Variants in CUEDC1 observed in about 807,000 individuals in gnomAD.
CUEDC1 encodes CUE domain containing 1.
A neutral mutation model predicts 43.7 loss-of-function variants in CUEDC1; 30 were observed. The observed-to-expected ratio is 0.69, with a 90% CI of 0.51 to 0.93. The LOEUF (loss-of-function observed/expected upper bound fraction) is 0.93. CUEDC1 is among the 40% of genes least tolerant of loss of function. CUEDC1 has a pLI of 0.00. For missense variants in CUEDC1, 486 were observed against 549.0 expected (o/e 0.89, Z 1.15); for synonymous variants, 223 against 223.6 (o/e 1.00, Z 0.02).
intron 4 of CUEDC1, 41 bp from the exon 5 acceptor site, chr17:57,872,896 G>A (rs756994685): frequency 6.4e-7 from 1 of 1,552,118 alleles, no homozygotes; most frequent in East Asian, 2.3e-5. Context: ...TACACACAAG[G>A]GTACATGTTG....
In CUEDC1 at chr17:57,908,349, G is replaced by A. The variant is rs1386382230; in HGVS notation, c.-315-22470C>T. Among the ~76,000 whole-genome samples the A allele has an allele frequency of 3.9e-5, 6 of 152,136 alleles. No homozygotes were observed. In the East Asian group the frequency reaches 5.8e-4, roughly 15 times the overall value. Reference sequence around the variant, plus strand: ...TGGGATTACAGGTGTGAGCCACCGCGCCTGGTCATCAGGTTCTTCTTGAAG... The same window carrying A: ...TGGGATTACAGGTGTGAGCCACCGCACCTGGTCATCAGGTTCTTCTTGAAG... On this transcript the variant is annotated intron_variant, in intron 1 of 10. Transcript: ENST00000577830.
intron 1 of CUEDC1, among the ~76,000 whole-genome samples, chr17:57,918,885 A>T (rs2143098963): frequency 6.6e-6 from 1 of 152,254 alleles, no homozygotes. Context: ...ATGGAGTCTC[A>T]CTCTGTCACC....
At chr17:57,923,302 C>G (rs1675106788) in intron 1 of CUEDC1, among the ~76,000 whole-genome samples, 1 of 152,154 alleles carries the variant, frequency 6.6e-6, no homozygotes, top group Non-Finnish European at 1.5e-5. Flanking sequence ...ACTATATGAC[C>G]TCAGATTAGG....
intron 1 of CUEDC1, among the ~76,000 whole-genome samples, chr17:57,911,280 T>A (rs1416937397): frequency 2.0e-5 from 3 of 152,176 alleles, no homozygotes; most frequent in African/African-American, 7.2e-5. Context: ...GCCCTGTCCA[T>A]CCTTCAAGAC....
intron 10 of CUEDC1, among the ~76,000 whole-genome samples, chr17:57,865,251 C>T (rs2073940589): frequency 6.6e-6 from 1 of 152,112 alleles, no homozygotes; most frequent in African/African-American, 2.4e-5. Flanking sequence ...GGGAAGTGGG[C>T]CGCGGCTTTG....
chr17:57,927,876 G>A lies in CUEDC1; in HGVS notation c.-316+27349C>T, dbSNP rs138886626. 3.6e-3 allele frequency among the ~76,000 whole-genome samples: 541 copies of A among 152,344 alleles called. 13 individuals carry two copies. Among genetic ancestry groups the A allele is most frequent in the Non-Finnish European group, 2.5e-3 (167 of 68,042 alleles). ...ACAACTACCCTGTAAGGTCGGTACT[G>A]TTCTTTCCTCCACTTTATAGATGGG... On this transcript the variant is annotated intron_variant, in intron 1 of 10. Transcript: ENST00000577830.
chr17:57,951,906 A>G (rs1229562463), intron 1 of CUEDC1, among the ~76,000 whole-genome samples: 1 of 152,266 alleles, frequency 6.6e-6, no homozygotes. Flanking sequence ...AAGATAAGAC[A>G]TTTAGCTGCA....
Position 57,876,129 on chromosome 17 carries a change from G to A in CUEDC1, c.465-2412C>T, listed in dbSNP as rs947717601. ...AATCTGATCTCCCTCAGCAGCCAAAGGAAGATTCCTAAAACACGAACCTGA... is the reference window on the plus strand; with the variant it reads ...AATCTGATCTCCCTCAGCAGCCAAAAGAAGATTCCTAAAACACGAACCTGA... On this transcript the variant is annotated intron_variant, in intron 3 of 10. Coordinates refer to ENST00000577830, the MANE Select transcript of CUEDC1 (RefSeq NM_001271875.2). Among the ~76,000 whole-genome samples, 62 of 152,176 alleles carry A rather than the reference G, an allele frequency of 4.1e-4. 1 individual carries two copies. Among genetic ancestry groups the A allele is most frequent in the Non-Finnish European group, 1.3e-4 (9 of 68,032 alleles).
chr17:57,882,864 C>T (rs375073605), intron 2 of CUEDC1, among the ~76,000 whole-genome samples: 4 of 152,034 alleles, frequency 2.6e-5, no homozygotes. Flanking sequence ...ATATGTTAGT[C>T]GACTGTTTAT....
chr17:57,945,506 T>G (rs900228242), intron 1 of CUEDC1, among the ~76,000 whole-genome samples: 4 of 152,236 alleles, frequency 2.6e-5, no homozygotes, highest in African/African-American at 7.2e-5. Flanking sequence ...TTTCCCATAT[T>G]TCCAGAATGT....
intron 1 of CUEDC1, among the ~76,000 whole-genome samples, chr17:57,949,963 A>C (rs1487257547): frequency 2.6e-5 from 4 of 152,114 alleles, no homozygotes; most frequent in African/African-American, 7.2e-5. Flanking sequence ...CAAGTTATTT[A>C]AACTCTTGAT....
intron 1 of CUEDC1, among the ~76,000 whole-genome samples, chr17:57,946,337 AGT>A (rs1367748418): frequency 3.9e-5 from 6 of 152,214 alleles, no homozygotes; most frequent in Non-Finnish European, 7.3e-5. Flanking sequence ...ATGATGCTCT[AGT>A]ACTGCTGAGG....
chr17:57,913,135 G>A (rs796722185), intron 1 of CUEDC1, among the ~76,000 whole-genome samples: 151 of 152,114 alleles, frequency 9.9e-4, no homozygotes, highest in African/African-American at 3.6e-3. Flanking sequence ...AGACCAGCCT[G>A]GCCAACATGG....
intron 1 of CUEDC1, among the ~76,000 whole-genome samples, chr17:57,902,789 A>T (rs554474922): frequency 6.6e-6 from 1 of 152,316 alleles, no homozygotes; most frequent in South Asian, 2.1e-4. Context: ...CAAACCCTAT[A>T]GCAGAGAGCT....
In CUEDC1 at chr17:57,930,454, A is replaced by C. The variant is rs927357109; in HGVS notation, c.-316+24771T>G. Reference sequence around the variant, plus strand: ...CCCTTTTATCCTGAGTCAGAAACCAAAGCCCTCTCCGTCCCAGGGGTTTAA... The same window carrying C: ...CCCTTTTATCCTGAGTCAGAAACCACAGCCCTCTCCGTCCCAGGGGTTTAA... On this transcript the variant is annotated intron_variant, in intron 1 of 10. Coordinates refer to ENST00000577830, the MANE Select transcript of CUEDC1 (RefSeq NM_001271875.2). The surrounding 1 kb of genome is among the most constrained non-coding windows in gnomAD (Gnocchi z 4.2). Among the ~76,000 whole-genome samples the C allele has an allele frequency of 6.6e-6, 1 of 152,228 alleles. No individual in the cohort carries two copies. The highest frequency in any genetic ancestry group is 2.1e-4 in the South Asian group (1 of 4,830).
At chr17:57,907,770 C>T (rs1000475252) in intron 1 of CUEDC1, among the ~76,000 whole-genome samples, 37 of 148,206 alleles carry the variant, frequency 2.5e-4, no homozygotes, top group African/African-American at 6.5e-4. Context: ...TGCTTGAACC[C>T]GGGAGGTGAA....
chr17:57,873,789 C>G, intron 3 of CUEDC1, 72 bp from the exon 4 acceptor site: 1 of 1,426,562 alleles, frequency 7.0e-7, no homozygotes, highest in African/African-American at 1.5e-5. Context: ...CCCATCACAC[C>G]AGGTCCTCAG....
At chr17:57,922,113 A>C (rs2074703970) in intron 1 of CUEDC1, among the ~76,000 whole-genome samples, 1 of 151,986 alleles carries the variant, frequency 6.6e-6, no homozygotes, top group South Asian at 2.1e-4. Context: ...ACTCTGTCTC[A>C]AAAAAACAAA....
intron 1 of CUEDC1, among the ~76,000 whole-genome samples, chr17:57,931,952 C>T (rs1008674031): frequency 1.1e-4 from 17 of 152,280 alleles, no homozygotes; most frequent in African/African-American, 3.9e-4. Flanking sequence ...CACATGTGTC[C>T]TTCCCTCTCT....
Sources: allele counts gnomAD v4.1 joint callset (sites outside exome capture counted in the v4.1 genomes callset), GRCh38; gene constraint gnomAD v4.1.1; non-coding constraint Gnocchi (gnomAD v3.1); transcripts MANE v1.5; gene names NCBI Gene and HGNC (gene_info 2026-07-23, HGNC 2026-07-21).